The following CCSER1 variants were observed in gnomAD, a reference collection of about 807,000 sequenced individuals.
The protein encoded by CCSER1 is serine-rich coiled-coil domain-containing protein 1.
CCSER1 carries 41 observed loss-of-function variants against 82.0 expected under a neutral mutation model. That is an observed-to-expected ratio of 0.50 (90% confidence interval 0.39 to 0.65). The LOEUF is 0.65. CCSER1 is among the 30% of genes least tolerant of loss of function. The pLI, the probability that CCSER1 is intolerant of heterozygous loss-of-function variation, is 0.00. For missense variants in CCSER1, 1,119 were observed against 1,064.2 expected, an observed-to-expected ratio of 1.05 and a Z score of -0.72; for synonymous variants, 414 against 383.9, an observed-to-expected ratio of 1.08 and a Z score of -0.92.
At chr4:91,446,300 C>A (rs960419771) in intron 10 of CCSER1, among the ~76,000 whole-genome samples, 18 of 151,950 alleles carry the variant, frequency 1.2e-4, no homozygotes, top group African/African-American at 4.3e-4. Flanking sequence ...TATAAGAAAA[C>A]AATTATTTAT....
At chr4:91,176,988 C>T (rs538444338) in intron 10 of CCSER1, among the ~76,000 whole-genome samples, 32 of 152,106 alleles carry the variant, frequency 2.1e-4, no homozygotes, top group Non-Finnish European at 1.9e-4. Flanking sequence ...TTTTGAGATA[C>T]GTCCCATCAA....
At chr4:91,256,040 T>C (rs964391502) in intron 10 of CCSER1, among the ~76,000 whole-genome samples, 1 of 152,184 alleles carries the variant, frequency 6.6e-6, no homozygotes, top group Non-Finnish European at 1.5e-5. Context: ...CATATTTCTC[T>C]TATTACCAAA....
intron 5 of CCSER1, among the ~76,000 whole-genome samples, chr4:90,491,302 T>C (rs925867155): frequency 3.9e-5 from 6 of 152,304 alleles, no homozygotes; most frequent in Admixed American, 2.0e-4. Flanking sequence ...AGTTCACTCA[T>C]GATTTGGCTC....
intron 1 of CCSER1, among the ~76,000 whole-genome samples, chr4:90,234,419 G>T (rs1405931848): frequency 2.6e-5 from 4 of 152,080 alleles, no homozygotes; most frequent in Non-Finnish European, 4.4e-5. Flanking sequence ...GTTTCACTAC[G>T]TTGGCCAGGC....
At chr4:90,615,530 A>G (rs542000468) in intron 5 of CCSER1, among the ~76,000 whole-genome samples, 59 of 152,218 alleles carry the variant, frequency 3.9e-4, no homozygotes, top group Non-Finnish European at 6.5e-4. Flanking sequence ...CAAGGGGTTC[A>G]AGACTACAAA....
At chr4:90,494,618 G>T (rs1768680188) in intron 5 of CCSER1, among the ~76,000 whole-genome samples, 1 of 152,036 alleles carries the variant, frequency 6.6e-6, no homozygotes, top group South Asian at 2.1e-4. Context: ...TTATCCTTTT[G>T]GAAATTTATG....
intron 1 of CCSER1, among the ~76,000 whole-genome samples, chr4:90,191,935 A>C (rs1055147552): frequency 2.6e-5 from 4 of 152,076 alleles, no homozygotes; most frequent in African/African-American, 9.7e-5. Flanking sequence ...GCTTATGTAA[A>C]ATTGCTGTCA....
In CCSER1 at chr4:90,760,998, A is replaced by T. The variant is rs1229924112; in HGVS notation, c.2010+37007A>T. On this transcript the variant is annotated intron_variant, in intron 7 of 10. Coordinates refer to ENST00000509176, the MANE Select transcript of CCSER1 (RefSeq NM_001145065.2). ...TGAGAAAAGTGGTATTTAAGCTGAGACTTGAAGGAAAAATAAAAATTAGCT... is the reference window on the plus strand; with the variant it reads ...TGAGAAAAGTGGTATTTAAGCTGAGTCTTGAAGGAAAAATAAAAATTAGCT... 2.0e-5 allele frequency among the ~76,000 whole-genome samples: 3 copies of T among 152,254 alleles called. No individual in the cohort carries two copies. In the East Asian group the frequency reaches 5.8e-4, roughly 29 times the overall value.
At chr4:91,510,490 G>A (rs570570835) in intron 10 of CCSER1, among the ~76,000 whole-genome samples, 15 of 152,244 alleles carry the variant, frequency 9.9e-5, no homozygotes, top group African/African-American at 3.6e-4. Flanking sequence ...CTTACCAACA[G>A]CTGTTATTTT....
At chr4:90,738,412 T>C (rs1746006825) in intron 7 of CCSER1, among the ~76,000 whole-genome samples, 1 of 152,176 alleles carries the variant, frequency 6.6e-6, no homozygotes, top group South Asian at 2.1e-4. Flanking sequence ...CAGGCGAATT[T>C]TTTTTTGCTT....
chr4:90,574,969 T>A (rs1780578425), intron 5 of CCSER1, among the ~76,000 whole-genome samples: 1 of 152,124 alleles, frequency 6.6e-6, no homozygotes, highest in African/African-American at 2.4e-5. Context: ...CATTTAGAAT[T>A]TCAAGTTCTT....
intron 10 of CCSER1, among the ~76,000 whole-genome samples, chr4:91,257,472 T>TACACACACACACAC (rs34423543): frequency 5.8e-4 from 87 of 148,998 alleles, no homozygotes; most frequent in African/African-American, 1.9e-3. Flanking sequence ...AATACATACC[T>TACACACACACACAC]ACACACACAC....
At chr4:90,620,731 A>G (rs982496189) in intron 5 of CCSER1, among the ~76,000 whole-genome samples, 7 of 152,226 alleles carry the variant, frequency 4.6e-5, no homozygotes, top group Admixed American at 2.6e-4. Context: ...ACCCAAAAAC[A>G]TAATCTTGTC....
intron 9 of CCSER1, among the ~76,000 whole-genome samples, chr4:90,939,426 C>G (rs1731337365): frequency 6.6e-6 from 1 of 152,164 alleles, no homozygotes; most frequent in Admixed American, 6.5e-5. Flanking sequence ...TTCTGTGTGT[C>G]TCTGTCTGTT....
chr4:90,422,860 A>C (rs1756911220), intron 4 of CCSER1, among the ~76,000 whole-genome samples: 1 of 152,214 alleles, frequency 6.6e-6, no homozygotes, highest in Admixed American at 6.5e-5. Context: ...CTTTGTCCCA[A>C]GTGCAGTACA....
chr4:90,160,181 A>T (rs976633182), intron 1 of CCSER1, among the ~76,000 whole-genome samples: 4 of 152,184 alleles, frequency 2.6e-5, no homozygotes, highest in African/African-American at 9.7e-5. Flanking sequence ...AGTCCTTAAG[A>T]GGGTGTGTTG....
intron 5 of CCSER1, among the ~76,000 whole-genome samples, chr4:90,602,714 C>T (rs1784173399): frequency 6.6e-6 from 1 of 152,052 alleles, no homozygotes; most frequent in African/African-American, 2.4e-5. Context: ...ACATTTCTAC[C>T]CCTGCTTACC....
chr4:91,417,523 G>C (rs1237650146), intron 10 of CCSER1, among the ~76,000 whole-genome samples: 6 of 152,064 alleles, frequency 3.9e-5, no homozygotes, highest in Admixed American at 6.6e-5. Flanking sequence ...AAAAAGGAAT[G>C]AGATCCTGTT....
chr4:90,308,279 T>G lies in CCSER1; in HGVS notation c.-6T>G, dbSNP rs28592243. 32,005 of 1,560,146 alleles carry G rather than the reference T, an allele frequency of 0.021. 2,133 individuals carry two copies. In the African/African-American group the frequency reaches 0.23, roughly 11 times the overall value. On this transcript the variant is annotated 5_prime_UTR_variant, in exon 2 of 11. Transcript: ENST00000509176. ...TGGCTTTCACAGTGCAAGCCTTTGA[T>G]TCCCAATGGGGGACTCAGGATCAAG...
Sources: allele counts gnomAD v4.1 joint callset (sites outside exome capture counted in the v4.1 genomes callset), GRCh38; gene constraint gnomAD v4.1.1; transcripts MANE v1.5; gene names NCBI Gene and HGNC (gene_info 2026-07-23, HGNC 2026-07-21).